The following PDE4D variants were observed in gnomAD, a reference collection of about 807,000 sequenced individuals.
PDE4D encodes phosphodiesterase 4D, also known as 3',5'-cyclic-AMP phosphodiesterase 4D.
In PDE4D, 24 loss-of-function variants were observed where a neutral mutation model predicts 87.4. That is an observed-to-expected ratio of 0.27 (90% CI 0.20 to 0.39). PDE4D has a LOEUF of 0.39. Among genes scored for constraint, PDE4D ranks in the 10% least tolerant of loss-of-function variants. The pLI, the probability that PDE4D is intolerant of heterozygous loss-of-function variation, is 1.00. For missense variants in PDE4D, 714 were observed against 1,041.0 expected (o/e 0.69, Z 4.32); for synonymous variants, 384 against 383.2 (o/e 1.00, Z -0.02).
At chr5:59,638,966 A>G (rs933292903) in intron 1 of PDE4D, among the ~76,000 whole-genome samples, 1 of 152,294 alleles carries the variant, frequency 6.6e-6, no homozygotes, top group Non-Finnish European at 1.5e-5. Flanking sequence ...AAAGGGCTAC[A>G]TAGCAGAATT....
At chr5:59,803,305 C>CTT (rs1767360484) in intron 1 of PDE4D, among the ~76,000 whole-genome samples, 1 of 132,298 alleles carries the variant, frequency 7.6e-6, no homozygotes. Flanking sequence ...CCTAGAAACT[C>CTT]CTTTTTTTTT....
intron 1 of PDE4D, among the ~76,000 whole-genome samples, chr5:59,814,478 G>A (rs1768750187): frequency 6.6e-6 from 1 of 152,164 alleles, no homozygotes; most frequent in Non-Finnish European, 1.5e-5. Flanking sequence ...TAAGACACAT[G>A]TCTAGAATAT....
intron 1 of PDE4D, among the ~76,000 whole-genome samples, chr5:59,682,596 C>A (rs1749211876): frequency 6.6e-6 from 1 of 152,140 alleles, no homozygotes; most frequent in Non-Finnish European, 1.5e-5. Flanking sequence ...GGGGACAGAG[C>A]CCTCATGAAT....
chr5:59,241,395 C>A (rs1377054305), intron 1 of PDE4D, among the ~76,000 whole-genome samples: 1 of 152,184 alleles, frequency 6.6e-6, no homozygotes, highest in African/African-American at 2.4e-5. Flanking sequence ...ATGCTCTCTA[C>A]ACTTGACTGA....
intron 1 of PDE4D, among the ~76,000 whole-genome samples, chr5:59,734,385 T>G (rs957510700): frequency 1.3e-5 from 2 of 152,166 alleles, no homozygotes; most frequent in Non-Finnish European, 2.9e-5. Flanking sequence ...TTCTATCTCC[T>G]TATTCTATTT....
intron 1 of PDE4D, among the ~76,000 whole-genome samples, chr5:60,310,371 A>T (rs536918807): frequency 6.6e-6 from 1 of 152,340 alleles, no homozygotes; most frequent in South Asian, 2.1e-4. Flanking sequence ...GGGTTTGGGA[A>T]CAAAAATAAA....
chr5:59,862,779 C>T (rs1746471015), intron 1 of PDE4D, among the ~76,000 whole-genome samples: 1 of 152,084 alleles, frequency 6.6e-6, no homozygotes, highest in Non-Finnish European at 1.5e-5. Context: ...GCCTCAATTT[C>T]CTTATCTGTA....
chr5:59,532,284 G>A (rs545206452), intron 1 of PDE4D, among the ~76,000 whole-genome samples: 124 of 152,100 alleles, frequency 8.2e-4, no homozygotes, highest in Non-Finnish European at 1.6e-3. Context: ...ACAGGCACCT[G>A]CCACCACCAT....
intron 1 of PDE4D, among the ~76,000 whole-genome samples, chr5:60,270,537 T>C (rs915348775): frequency 6.6e-6 from 1 of 152,206 alleles, no homozygotes; most frequent in Non-Finnish European, 1.5e-5. Context: ...TTGCTTTTTA[T>C]TTCTATAGGT....
At chr5:60,458,105 C>A (rs1746617541) in intron 1 of PDE4D, among the ~76,000 whole-genome samples, 1 of 152,118 alleles carries the variant, frequency 6.6e-6, no homozygotes, top group Non-Finnish European at 1.5e-5. Context: ...TGTGTCATGG[C>A]CAGGTGCAGT....
At chr5:59,803,074 C>A (rs958577648) in intron 1 of PDE4D, among the ~76,000 whole-genome samples, 1 of 152,064 alleles carries the variant, frequency 6.6e-6, no homozygotes, top group Admixed American at 6.5e-5. Flanking sequence ...CTGGTTGATT[C>A]CAAGGAGTTT....
chr5:59,970,119 G>A (rs912142786), intron 3 of PDE4D, among the ~76,000 whole-genome samples: 26 of 152,142 alleles, frequency 1.7e-4, no homozygotes, highest in Non-Finnish European at 2.4e-4. Context: ...CACTAGGTGT[G>A]AGGGAGAGTT....
At chr5:59,465,253 C>T (rs1801407079) in intron 1 of PDE4D, among the ~76,000 whole-genome samples, 2 of 152,116 alleles carry the variant, frequency 1.3e-5, no homozygotes, top group Admixed American at 6.6e-5. Context: ...ATGCTGTTCC[C>T]AGACACTCAT....
intron 3 of PDE4D, among the ~76,000 whole-genome samples, chr5:59,945,631 A>C (rs1474192308): frequency 6.6e-6 from 1 of 152,190 alleles, no homozygotes; most frequent in East Asian, 1.9e-4. Flanking sequence ...TTGTTGCTTT[A>C]TTCTCCTTTC....
chr5:59,389,126 A>G (rs1053836209), intron 1 of PDE4D, among the ~76,000 whole-genome samples: 9 of 152,084 alleles, frequency 5.9e-5, no homozygotes, highest in African/African-American at 2.2e-4. Flanking sequence ...TTCAAGAGAG[A>G]TTTGATCTAG....
intron 6 of PDE4D, among the ~76,000 whole-genome samples, chr5:59,027,395 G>A (rs1756436762): frequency 6.6e-6 from 1 of 152,066 alleles, no homozygotes; most frequent in African/African-American, 2.4e-5. Flanking sequence ...CTGTTTAGAA[G>A]GAAGTCAATA....
intron 3 of PDE4D, among the ~76,000 whole-genome samples, chr5:59,941,523 C>A (rs972263353): frequency 1.3e-5 from 2 of 152,156 alleles, no homozygotes; most frequent in African/African-American, 4.8e-5. Flanking sequence ...TGTTCTTGAG[C>A]GCACTCTAAG....
chr5:59,773,941 G>A (rs974405532), intron 1 of PDE4D, among the ~76,000 whole-genome samples: 1 of 152,068 alleles, frequency 6.6e-6, no homozygotes, highest in Non-Finnish European at 1.5e-5. Flanking sequence ...ATTAATAATA[G>A]AAATGATTGG....
rs967715501 is a variant in PDE4D, at chr5:59,180,454, T to C, written c.808+141A>G. The C allele has an allele frequency of 2.6e-5, 20 of 758,542 alleles. No homozygotes were observed. In the African/African-American group the frequency reaches 2.8e-4, roughly 11 times the overall value. The allele number at this position is 758,542 out of a possible 1,614,324, so 47.0% of individuals were successfully genotyped here. On this transcript the variant is annotated intron_variant, in intron 5 of 14. Transcript: ENST00000340635. Reference sequence around the variant, plus strand: ...CTTAGACAATTTGTGAGATCAATGATAGAAATGATAATGTAGAGAAGAAAG... The same window carrying C: ...CTTAGACAATTTGTGAGATCAATGACAGAAATGATAATGTAGAGAAGAAAG...
Sources: allele counts gnomAD v4.1 joint callset (sites outside exome capture counted in the v4.1 genomes callset), GRCh38; gene constraint gnomAD v4.1.1; transcripts MANE v1.5; gene names NCBI Gene and HGNC (gene_info 2026-07-23, HGNC 2026-07-21).